Variants in KPNB1 observed in about 807,000 individuals in gnomAD.
KPNB1 encodes the protein importin subunit beta-1.
A neutral mutation model predicts 113.0 loss-of-function variants in KPNB1; 7 were observed. The observed-to-expected ratio is 0.06, with a 90% confidence interval of 0.04 to 0.12. The LOEUF is 0.12. Among genes scored for constraint, KPNB1 ranks in the 10% least tolerant of loss-of-function variants. The pLI is 1.00. For synonymous variants in KPNB1, 363 were observed against 378.6 expected, an observed-to-expected ratio of 0.96 and a Z score of 0.48; for missense variants, 400 against 1,054.8, an observed-to-expected ratio of 0.38 and a Z score of 8.60.
chr17:47,658,445 A>T, intron 4 of KPNB1, 63 bp from the exon 5 acceptor site: 1 of 1,527,512 alleles, frequency 6.5e-7, no homozygotes, highest in South Asian at 1.2e-5. Context: ...GAATCCACAG[A>T]TGTGGAACCC....
intron 9 of KPNB1, 35 bp from the exon 10 acceptor site, chr17:47,668,151 A>C (rs1021459521): frequency 1.3e-6 from 2 of 1,565,878 alleles, no homozygotes; most frequent in African/African-American, 2.7e-5. Context: ...GATTCTTTGG[A>C]CAAAATCTTA....
At chr17:47,664,015 C>G in intron 7 of KPNB1, 144 bp from the exon 8 acceptor site, 1 of 528,416 alleles carries the variant, frequency 1.9e-6, no homozygotes, top group East Asian at 3.4e-5. Context: ...GAAAATCTTT[C>G]TTTTCCTATC....
Position 47,650,268 on chromosome 17 carries a change from G to C in KPNB1, c.24G>C (p.Glu8Asp). 3.7e-6 allele frequency: 6 copies of C among 1,603,150 alleles called. No individual in the cohort carries two copies. Among genetic ancestry groups the C allele is most frequent in the Non-Finnish European group, 4.3e-6 (5 of 1,175,190 alleles). The change falls in exon 1 of 22, where the codon GAG (glutamate) becomes GAC (aspartate). Residue 8 changes from glutamate to aspartate, a missense_variant. Glu to Asp is a conservative substitution (Grantham distance 45, BLOSUM62 2). Transcript: ENST00000290158. ...CCATGGAGCTGATCACCATTCTCGA[G>C]AAGACCGTGTCTCCCGGTAGGACGC... MELITIL[E>D]KTVSPDRLEL...
intron 9 of KPNB1, among the ~76,000 whole-genome samples, chr17:47,666,617 A>G (rs1175122754): frequency 6.9e-6 from 1 of 144,580 alleles, no homozygotes. Context: ...TATTTTATAT[A>G]TATTATATAT....
At chr17:47,664,950 T>A in intron 8 of KPNB1, 107 bp from the exon 9 acceptor site, 1 of 806,196 alleles carries the variant, frequency 1.2e-6, no homozygotes, top group Non-Finnish European at 2.1e-6. Context: ...CATTTGTCCT[T>A]GTATGTTTCT....
At chr17:47,675,575 C>T (rs1033105278) in intron 15 of KPNB1, among the ~76,000 whole-genome samples, 2 of 151,784 alleles carry the variant, frequency 1.3e-5, no homozygotes, top group Non-Finnish European at 2.9e-5. Context: ...TACTTGTCAT[C>T]ACCTGGTTTG....
chr17:47,661,472 C>T (rs1326700006), intron 6 of KPNB1, among the ~76,000 whole-genome samples: 1 of 151,958 alleles, frequency 6.6e-6, no homozygotes, highest in African/African-American at 2.4e-5. Flanking sequence ...TGTGGTGGCA[C>T]GTGCCTGTAG....
intron 2 of KPNB1, among the ~76,000 whole-genome samples, chr17:47,651,915 T>TA (rs1915586405): frequency 6.6e-6 from 1 of 152,232 alleles, no homozygotes; most frequent in African/African-American, 2.4e-5. Flanking sequence ...ATTCCTCAAC[T>TA]AAAGTCCAAA....
chr17:47,671,531 TATTA>T (rs34622766), intron 12 of KPNB1, among the ~76,000 whole-genome samples: 69,624 of 150,800 alleles, frequency 0.46, 16,751 homozygotes, highest in Middle Eastern at 0.55. Flanking sequence ...TATTTTATTT[TATTA>T]ATTAATTAAT....
At chr17:47,660,991 T>C (rs2030075497) in intron 5 of KPNB1, 128 bp from the exon 6 acceptor site, 2 of 704,676 alleles carry the variant, frequency 2.8e-6, no homozygotes, top group South Asian at 3.1e-5. Context: ...AGTGGCTTGA[T>C]TGTACCAGGC....
chr17:47,674,775 G>T lies in KPNB1; in HGVS notation c.1905G>T (p.Leu635=), dbSNP rs1420141210. Reference sequence around the variant, plus strand: ...ATGCCCTGATGGCAGTTAGCACACTGGTGGAAGGTCGGTGAGAAATACTGT... The same window carrying T: ...ATGCCCTGATGGCAGTTAGCACACTTGTGGAAGGTCGGTGAGAAATACTGT... ...QEDALMAVST[L]VEVLGGEFLK... Residue 635 remains leucine (L), a synonymous_variant, in exon 15 of 22, where the codon CTG becomes CTT. Transcript: ENST00000290158. 30 of 1,608,962 alleles carry T rather than the reference G, an allele frequency of 1.9e-5. No individual in the cohort carries two copies. Among genetic ancestry groups the T allele is most frequent in the Non-Finnish European group, 2.5e-5 (30 of 1,178,536 alleles).
rs761889876 is a variant in KPNB1 at position 47,661,185 on chromosome 17, G to T, written c.696+7G>T. 5.6e-6 allele frequency: 9 copies of T among 1,607,470 alleles called. No homozygotes were observed. Among genetic ancestry groups the T allele is most frequent in the Non-Finnish European group, 7.7e-6 (9 of 1,174,048 alleles). On this transcript the variant is annotated splice_region_variant and intron_variant, in intron 6 of 21. Coordinates refer to ENST00000290158, the MANE Select transcript of KPNB1 (RefSeq NM_002265.6). ...ACAGTGTCCAGATACGAGGGTAAGT[G>T]TGAGGTTATATGAAAAATCTGTCTT...
chr17:47,653,162 A>G (rs1915625617), intron 3 of KPNB1, among the ~76,000 whole-genome samples: 1 of 151,944 alleles, frequency 6.6e-6, no homozygotes, highest in Admixed American at 6.6e-5. Flanking sequence ...AAATGGGAGT[A>G]GTGTACAAAT....
At chr17:47,656,819 G>C (rs1567888108) in intron 3 of KPNB1, 41 bp from the exon 4 acceptor site, 8 of 1,589,432 alleles carry the variant, frequency 5.0e-6, no homozygotes, top group East Asian at 2.3e-5. Context: ...TGGTCAAATA[G>C]TGTTAGAAAT....
At chr17:47,682,090 A>G (rs1597943566) in intron 21 of KPNB1, among the ~76,000 whole-genome samples, 3 of 152,280 alleles carry the variant, frequency 2.0e-5, no homozygotes, top group East Asian at 1.9e-4. Flanking sequence ...TGGCCTCCCA[A>G]AGTGCTGAGA....
intron 19 of KPNB1, among the ~76,000 whole-genome samples, chr17:47,678,851 A>G (rs8072963): frequency 6.6e-6 from 1 of 152,006 alleles, no homozygotes; most frequent in African/African-American, 2.4e-5. Flanking sequence ...CAATTGATCC[A>G]CCCGCCTTGG....
In KPNB1 at chr17:47,650,294, A is replaced by C; in HGVS notation, c.40+10A>C. ...AAGACCGTGTCTCCCGGTAGGACGC[A>C]GGAGCCGGGGGTAGGGCTGAGGTGA... On this transcript the variant is annotated intron_variant, in intron 1 of 21. Transcript: ENST00000290158. The C allele has an allele frequency of 6.2e-7, 1 of 1,605,478 alleles. No homozygotes were observed. Among genetic ancestry groups the C allele is most frequent in the Non-Finnish European group, 8.5e-7 (1 of 1,175,696 alleles).
chr17:47,656,828 A>G, intron 3 of KPNB1, 32 bp from the exon 4 acceptor site: 1 of 1,585,342 alleles, frequency 6.3e-7, no homozygotes, highest in Non-Finnish European at 8.6e-7. Context: ...AGTGTTAGAA[A>G]TTTGTATCTT....
chr17:47,677,256 G>T lies in KPNB1; in HGVS notation c.2103+129G>T, dbSNP rs1306437852. ...CCAGCATTTTGGGAGGCCGAGGCAG[G>T]CCAGGAGTTCGAGACCAACCTGGAC... On this transcript the variant is annotated intron_variant, in intron 17 of 21. Coordinates refer to ENST00000290158, the MANE Select transcript of KPNB1 (RefSeq NM_002265.6). 9 of 716,006 alleles carry T rather than the reference G, an allele frequency of 1.3e-5. No individual in the cohort carries two copies. In the Admixed American group the frequency reaches 2.3e-4, roughly 19 times the overall value. 44.4% of individuals were successfully genotyped at this position (716,006 alleles called of 1,614,324 possible).
Sources: allele counts gnomAD v4.1 joint callset (sites outside exome capture counted in the v4.1 genomes callset), GRCh38; gene constraint gnomAD v4.1.1; transcripts MANE v1.5; gene names NCBI Gene and HGNC (gene_info 2026-07-23, HGNC 2026-07-21).